DPYS: variants seen among roughly 807,000 people sequenced by gnomAD.
The protein encoded by DPYS is dihydropyrimidinase, also known as dihydropyrimidine amidohydrolase.
In DPYS, 39 loss-of-function variants were observed where a neutral mutation model predicts 50.3. The observed-to-expected ratio is 0.78, with a 90% confidence interval of 0.60 to 1.01. DPYS has a LOEUF of 1.01. DPYS is among the 50% of genes least tolerant of loss of function. The pLI is 0.00. For missense variants in DPYS, 659 were observed against 680.9 expected, an observed-to-expected ratio of 0.97 and a Z score of 0.36; for synonymous variants, 245 against 250.7, an observed-to-expected ratio of 0.98 and a Z score of 0.22.
intron 7 of DPYS, among the ~76,000 whole-genome samples, chr8:104,423,753 T>C (rs1812628468): frequency 6.6e-6 from 1 of 152,102 alleles, no homozygotes; most frequent in South Asian, 2.1e-4. Flanking sequence ...ATTATGGAAA[T>C]TGGAAACAAA....
intron 7 of DPYS, among the ~76,000 whole-genome samples, chr8:104,406,842 C>A (rs1285472067): frequency 6.6e-6 from 1 of 152,152 alleles, no homozygotes; most frequent in East Asian, 1.9e-4. Context: ...CACACACATA[C>A]ACACACACAG....
At chr8:104,422,785 A>T (rs896112474) in intron 7 of DPYS, among the ~76,000 whole-genome samples, 2 of 152,242 alleles carry the variant, frequency 1.3e-5, no homozygotes, top group Non-Finnish European at 2.9e-5. Flanking sequence ...CCAGCCCTTG[A>T]AGCAGCCTAA....
intron 2 of DPYS, among the ~76,000 whole-genome samples, chr8:104,450,404 T>C (rs985381128): frequency 2.0e-5 from 3 of 152,218 alleles, no homozygotes; most frequent in Non-Finnish European, 4.4e-5. Context: ...TGTGAGATTA[T>C]AAGATACTCA....
chr8:104,445,771 C>T (rs35907176), intron 3 of DPYS, among the ~76,000 whole-genome samples: 12,578 of 152,192 alleles, frequency 0.083, 692 homozygotes, highest in Non-Finnish European at 0.12. Flanking sequence ...TTTGGCCGGG[C>T]GCGGTGGCTC....
intron 8 of DPYS, among the ~76,000 whole-genome samples, chr8:104,391,540 T>G (rs1279323563): frequency 6.6e-6 from 1 of 152,192 alleles, no homozygotes; most frequent in African/African-American, 2.4e-5. Flanking sequence ...AATCTAAAAT[T>G]CTCAAATATT....
intron 6 of DPYS, among the ~76,000 whole-genome samples, chr8:104,425,847 C>T (rs1812704262): frequency 1.3e-5 from 2 of 152,088 alleles, no homozygotes; most frequent in Admixed American, 1.3e-4. Context: ...TCAAACAATG[C>T]TTGCCTTAAA....
At chr8:104,450,709 G>A (rs1310527136) in intron 2 of DPYS, among the ~76,000 whole-genome samples, 2 of 152,158 alleles carry the variant, frequency 1.3e-5, no homozygotes, top group Admixed American at 6.5e-5. Flanking sequence ...AAGATCACTC[G>A]GTCAAGATAC....
chr8:104,452,121 G>A (rs918296931), intron 1 of DPYS, among the ~76,000 whole-genome samples: 15 of 152,106 alleles, frequency 9.9e-5, no homozygotes, highest in African/African-American at 3.4e-4. Context: ...GCACAAACTG[G>A]AATCTTCATA....
intron 4 of DPYS, among the ~76,000 whole-genome samples, chr8:104,436,430 C>T (rs562073347): frequency 2.0e-5 from 3 of 152,052 alleles, no homozygotes; most frequent in South Asian, 2.1e-4. Flanking sequence ...GCCAACATGG[C>T]GAAACCCTGT....
chr8:104,445,278 A>G (rs1192310570), intron 3 of DPYS, among the ~76,000 whole-genome samples: 1 of 152,204 alleles, frequency 6.6e-6, no homozygotes, highest in Admixed American at 6.5e-5. Context: ...TATGCAAAAG[A>G]AAGGAAAATC....
rs538803702 is a variant in DPYS, at chr8:104,407,986, G to A, written c.1236-14995C>T. On this transcript the variant is annotated intron_variant, in intron 7 of 9. Transcript: ENST00000351513. ...AAAAAAGTCATCTTGGTGGAAGAAT[G>A]TAGAAAATCCCTACCATTCAATGGG... is the stretch of plus-strand genomic sequence containing the variant. Among the ~76,000 whole-genome samples, 165 of 152,160 alleles carry A rather than the reference G, an allele frequency of 1.1e-3. 2 individuals carry two copies. Among genetic ancestry groups the A allele is most frequent in the African/African-American group, 3.7e-3 (155 of 41,520 alleles).
At chr8:104,434,012 T>C (rs770707921) in intron 4 of DPYS, among the ~76,000 whole-genome samples, 14 of 152,222 alleles carry the variant, frequency 9.2e-5, no homozygotes, top group Admixed American at 2.0e-4. Flanking sequence ...TCAGGAGATC[T>C]TGAGAACATG....
At chr8:104,416,779 A>C (rs1352147449) in intron 7 of DPYS, among the ~76,000 whole-genome samples, 1 of 152,146 alleles carries the variant, frequency 6.6e-6, no homozygotes, top group East Asian at 1.9e-4. Flanking sequence ...GCTTCTGTGA[A>C]ACAGTCACTG....
chr8:104,451,367 A>C lies in DPYS; in HGVS notation c.302T>G (p.Phe101Cys), dbSNP rs778287686. The C allele has an allele frequency of 5.6e-6, 9 of 1,614,074 alleles. No individual in the cohort carries two copies. Among genetic ancestry groups the C allele is most frequent in the Middle Eastern group, 1.6e-4 (1 of 6,082 alleles). The change falls in exon 2 of 10, where the codon TTC (phenylalanine) becomes TGC (cysteine). Residue 101 changes from phenylalanine (F) to cysteine (C), a missense_variant. By Grantham distance (205) the Phe-to-Cys change is radical. Transcript: ENST00000351513. ...LSGGTTMIID[F>C]AIPQKGGSLI... ...GGAGCCACCTTTCTGAGGAATGGCG[A>C]AATCAATAATCATGGTGGTGCCTCC...
chr8:104,462,942 A>G (rs1814222029), intron 1 of DPYS, among the ~76,000 whole-genome samples: 1 of 152,268 alleles, frequency 6.6e-6, no homozygotes, highest in Admixed American at 6.5e-5. Context: ...AAGCTAATCA[A>G]TTATAGGCTT....
intron 8 of DPYS, among the ~76,000 whole-genome samples, chr8:104,385,676 T>C (rs996069082): frequency 3.9e-5 from 6 of 152,246 alleles, no homozygotes; most frequent in African/African-American, 4.8e-5. Flanking sequence ...GGTGAGACTT[T>C]TGAGAGATGG....
In DPYS at chr8:104,444,245, T is replaced by C; in HGVS notation, c.793+3A>G. On this transcript the variant is annotated splice_donor_region_variant and intron_variant, in intron 4 of 9. Coordinates refer to ENST00000351513, the MANE Select transcript of DPYS (RefSeq NM_001385.3). Reference sequence around the variant, plus strand: ...TCTAAGTGAGGTTACATTCGAGAATTACCATCTCTCCTTGCATCCGCTATC... The same window carrying C: ...TCTAAGTGAGGTTACATTCGAGAATCACCATCTCTCCTTGCATCCGCTATC... The C allele has an allele frequency of 6.2e-7, 1 of 1,614,174 alleles. No homozygotes were observed. The highest frequency in any genetic ancestry group is 8.5e-7 in the Non-Finnish European group (1 of 1,180,026).
At chr8:104,438,365 C>T (rs1256179883) in intron 4 of DPYS, among the ~76,000 whole-genome samples, 1 of 152,046 alleles carries the variant, frequency 6.6e-6, no homozygotes, top group African/African-American at 2.4e-5. Context: ...TTAAAAAGAG[C>T]TAATTGGAAA....
intron 4 of DPYS, among the ~76,000 whole-genome samples, chr8:104,433,912 C>A (rs2853167): frequency 0.61 from 92,288 of 152,024 alleles, 29,163 homozygotes; most frequent in Non-Finnish European, 0.71. Flanking sequence ...TCCAAAGCCT[C>A]TGTTGACAAA....
Sources: allele counts gnomAD v4.1 joint callset (sites outside exome capture counted in the v4.1 genomes callset), GRCh38; gene constraint gnomAD v4.1.1; transcripts MANE v1.5; gene names NCBI Gene and HGNC (gene_info 2026-07-23, HGNC 2026-07-21).